SYNJ1: variants seen among roughly 807,000 people sequenced by gnomAD.
The protein encoded by SYNJ1 is polyphosphatidylinositol phosphatase SYNJ1.
A neutral mutation model predicts 168.2 loss-of-function variants in SYNJ1; 78 were observed. That is an observed-to-expected ratio of 0.46 (90% CI 0.39 to 0.56). The LOEUF (loss-of-function observed/expected upper bound fraction) is 0.56. SYNJ1 is among the 20% of genes least tolerant of loss of function. The probability of loss-of-function intolerance (pLI) is 0.00; values close to 1 mark genes in which losing one functional copy is unlikely to be tolerated. For missense variants in SYNJ1, 1,303 were observed against 1,597.6 expected, an observed-to-expected ratio of 0.82 and a Z score of 3.14; for synonymous variants, 539 against 548.6, an observed-to-expected ratio of 0.98 and a Z score of 0.24.
chr21:32,666,902 T>C (rs1437057391), intron 15 of SYNJ1, among the ~76,000 whole-genome samples: 2 of 152,156 alleles, frequency 1.3e-5, no homozygotes, highest in Non-Finnish European at 2.9e-5. Flanking sequence ...CTGTGGGAGA[T>C]TGGTTTCAGG....
chr21:32,666,054 G>C lies in SYNJ1; in HGVS notation c.2034C>G (p.Phe678Leu). 1 of 1,614,048 alleles carries C rather than the reference G, an allele frequency of 6.2e-7. No homozygotes were observed. Among genetic ancestry groups the C allele is most frequent in the South Asian group, 1.1e-5 (1 of 91,050 alleles). The change falls in exon 17 of 33, where the codon TTC (phenylalanine) becomes TTG (leucine). Residue 678 changes from phenylalanine (F) to leucine (L), a missense_variant. Physicochemically the swap from Phe to Leu is conservative, Grantham distance 22. Coordinates refer to ENST00000674351, the MANE Select transcript of SYNJ1 (RefSeq NM_203446.3). The part of the protein sequence containing the change: ...NKGAVAIRML[F>L]HTTSLCFVCS... Reference sequence around the variant, plus strand: ...AGACGAAGCAAAGGCTGGTTGTATGGAAGAGCATTCGGATTGCAACTGCTC... The same window carrying C: ...AGACGAAGCAAAGGCTGGTTGTATGCAAGAGCATTCGGATTGCAACTGCTC...
At chr21:32,689,517 A>C (rs2041948344) in intron 6 of SYNJ1, among the ~76,000 whole-genome samples, 1 of 152,142 alleles carries the variant, frequency 6.6e-6, no homozygotes, top group African/African-American at 2.4e-5. Flanking sequence ...GGATGGTCTC[A>C]ATCTCTTGAC....
chr21:32,666,529 A>G lies in SYNJ1; in HGVS notation c.1856T>C (p.Ile619Thr). The G allele has an allele frequency of 6.2e-7, 1 of 1,614,082 alleles. No homozygotes were observed. Among genetic ancestry groups the G allele is most frequent in the Non-Finnish European group, 8.5e-7 (1 of 1,179,984 alleles). The change falls in exon 16 of 33, where the codon ATC becomes ACC. Residue 619 changes from isoleucine to threonine, a missense_variant. Ile to Thr is a moderately conservative substitution (Grantham distance 89). Around this residue, in one of 2 missense-constraint regions of SYNJ1, gnomAD observed 920 missense variants for 1,208.8 expected, o/e 0.76. Transcript: ENST00000674351. ...KLWAVELQKT[I>T]SRDNKYVLLA... ...CAGCACATACTTGTTGTCTCTGGAGATTGTCTTCTGAAGTTCTACAGCCCA... is the reference window on the plus strand; with the variant it reads ...CAGCACATACTTGTTGTCTCTGGAGGTTGTCTTCTGAAGTTCTACAGCCCA...
At chr21:32,700,445 G>A (rs1430542379) in intron 3 of SYNJ1, among the ~76,000 whole-genome samples, 1 of 152,010 alleles carries the variant, frequency 6.6e-6, no homozygotes, top group Admixed American at 6.6e-5. Flanking sequence ...ACCTGAGGCC[G>A]GGAATTAAAG....
chr21:32,662,238 A>G (rs994601263), intron 18 of SYNJ1, among the ~76,000 whole-genome samples: 1 of 152,138 alleles, frequency 6.6e-6, no homozygotes, highest in Admixed American at 6.5e-5. Context: ...GCATGAGGAG[A>G]ATCATCGTGG....
chr21:32,693,764 A>G (rs1601444831), intron 6 of SYNJ1, among the ~76,000 whole-genome samples: 1 of 152,312 alleles, frequency 6.6e-6, no homozygotes, highest in East Asian at 1.9e-4. Context: ...TATTCCCATT[A>G]TACAGATAAG....
In SYNJ1 at chr21:32,646,591, C is replaced by T; in HGVS notation, c.3049G>A (p.Asp1017Asn). The T allele has an allele frequency of 1.2e-6, 2 of 1,613,810 alleles. No homozygotes were observed. Among genetic ancestry groups the T allele is most frequent in the Non-Finnish European group, 1.7e-6 (2 of 1,179,812 alleles). The change falls in exon 24 of 33, where the codon GAC becomes AAC. Residue 1017 changes from aspartate to asparagine, a missense_variant. This residue lies in a region of SYNJ1 where 383 missense variants were observed against 388.8 expected (regional missense o/e 0.99). Transcript: ENST00000674351. Reference protein sequence around the residue: ...ADFDMEGDVDDYSAEVEELLP... With the variant: ...ADFDMEGDVDNYSAEVEELLP... ...AGTTCCTCCACTTCAGCACTATAGT[C>T]ATCAACATCACCTAAGGAAAAGCAG...
At chr21:32,642,263 C>T in intron 27 of SYNJ1, 130 bp from the exon 28 acceptor site, 1 of 951,392 alleles carries the variant, frequency 1.1e-6, no homozygotes, top group Non-Finnish European at 1.6e-6. Flanking sequence ...AAACAAAGCA[C>T]TTTGCTTTGT....
chr21:32,636,613 A>AT (rs550134826), intron 31 of SYNJ1, among the ~76,000 whole-genome samples: 3 of 151,994 alleles, frequency 2.0e-5, no homozygotes, highest in South Asian at 2.1e-4. Flanking sequence ...ATAATTTAAA[A>AT]TTTTTTTTAT....
intron 6 of SYNJ1, among the ~76,000 whole-genome samples, chr21:32,692,348 A>G (rs2042056652): frequency 6.6e-6 from 1 of 152,196 alleles, no homozygotes; most frequent in Non-Finnish European, 1.5e-5. Context: ...AGGCCAAGGC[A>G]GGTGGATCAC....
intron 23 of SYNJ1, among the ~76,000 whole-genome samples, chr21:32,648,603 C>T (rs864603): frequency 0.08 from 12,168 of 152,216 alleles, 632 homozygotes; most frequent in South Asian, 0.16. Flanking sequence ...TTTCTTTTCA[C>T]GGGCAGCCTT....
chr21:32,659,180 A>C (rs1205763730), intron 18 of SYNJ1, among the ~76,000 whole-genome samples: 1 of 152,092 alleles, frequency 6.6e-6, no homozygotes, highest in African/African-American at 2.4e-5. Flanking sequence ...ATGACATAGA[A>C]ACAAAAGAAA....
intron 14 of SYNJ1, among the ~76,000 whole-genome samples, chr21:32,672,097 G>GAAAAA (rs2041225927): frequency 8.7e-6 from 1 of 114,562 alleles, no homozygotes; most frequent in Non-Finnish European, 1.9e-5. Context: ...AAAAGAAAAA[G>GAAAAA]AAAAAGAAAA....
intron 1 of SYNJ1, 68 bp downstream of exon 1, chr21:32,727,878 G>GCGTC: frequency 6.6e-7 from 1 of 1,525,056 alleles, no homozygotes; most frequent in Non-Finnish European, 8.8e-7. Flanking sequence ...GGTCTTGGAG[G>GCGTC]CGTCCGCCCG....
At chr21:32,699,287 T>C (rs1490627763) in intron 4 of SYNJ1, among the ~76,000 whole-genome samples, 2 of 152,210 alleles carry the variant, frequency 1.3e-5, no homozygotes, top group Non-Finnish European at 2.9e-5. Flanking sequence ...GTCTCAGTTC[T>C]TTCTTTACCC....
At chr21:32,666,672 TAA>T (rs2040946481) in intron 15 of SYNJ1, 99 bp from the exon 16 acceptor site, 1 of 1,268,508 alleles carries the variant, frequency 7.9e-7, no homozygotes, top group South Asian at 1.8e-5. Flanking sequence ...CCAAATATCC[TAA>T]GACTCTGAAG....
At chr21:32,692,780 A>C (rs2042071832) in intron 6 of SYNJ1, among the ~76,000 whole-genome samples, 1 of 151,966 alleles carries the variant, frequency 6.6e-6, no homozygotes, top group South Asian at 2.1e-4. Flanking sequence ...GGCCAAGTAC[A>C]GTGGCTCAGG....
chr21:32,722,956 C>T (rs1234702564), intron 2 of SYNJ1, among the ~76,000 whole-genome samples: 2 of 152,138 alleles, frequency 1.3e-5, no homozygotes, highest in African/African-American at 2.4e-5. Flanking sequence ...AAAAGCAATC[C>T]CCTAATCTAT....
At chr21:32,716,975 T>G (rs1363202887) in intron 2 of SYNJ1, among the ~76,000 whole-genome samples, 1 of 152,150 alleles carries the variant, frequency 6.6e-6, no homozygotes, top group Non-Finnish European at 1.5e-5. Context: ...TTTTTTTTTT[T>G]TAGAGACGGA....
Sources: allele counts gnomAD v4.1 joint callset (sites outside exome capture counted in the v4.1 genomes callset), GRCh38; gene constraint gnomAD v4.1.1; regional missense constraint gnomAD v4.1.1; transcripts MANE v1.5; gene names NCBI Gene and HGNC (gene_info 2026-07-23, HGNC 2026-07-21).